The following KAT6A variants were observed in gnomAD, a reference collection of about 807,000 sequenced individuals.
The protein encoded by KAT6A is histone acetyltransferase KAT6A.
A neutral mutation model predicts 198.4 loss-of-function variants in KAT6A; 9 were observed. That is an observed-to-expected ratio of 0.05 (90% CI 0.03 to 0.08). KAT6A has a LOEUF of 0.08. Ranked by LOEUF, KAT6A falls within the 10% of genes least tolerant of loss-of-function variation. KAT6A has a pLI of 1.00. For missense variants in KAT6A, 2,077 were observed against 2,509.9 expected (o/e 0.83, Z 3.69); for synonymous variants, 890 against 883.0 (o/e 1.01, Z -0.14).
In KAT6A at chr8:42,015,968, T is replaced by C. The variant is rs150950081; in HGVS notation, c.601-28405A>G. 5.8e-4 allele frequency among the ~76,000 whole-genome samples: 89 copies of C among 152,324 alleles called. 2 individuals are homozygous for C. The East Asian group carries it at 0.012, about 21-fold the overall frequency. On this transcript the variant is annotated intron_variant, in intron 2 of 16. Coordinates refer to ENST00000265713, the MANE Select transcript of KAT6A (RefSeq NM_006766.5). ...GAAGTAACTCCCACAGACATTTTAA[T>C]GCAAATGCAGATGAGGCAAAGACTC...
chr8:41,993,321 A>G (rs1012044171), intron 2 of KAT6A, among the ~76,000 whole-genome samples: 1 of 152,222 alleles, frequency 6.6e-6, no homozygotes, highest in East Asian at 1.9e-4. Context: ...TCATGACACA[A>G]AACAATTTGC....
At position 41,933,910 on chromosome 8, in the gene KAT6A, C is replaced by G; in HGVS notation, c.4310G>C (p.Ser1437Thr). The change falls in exon 17 of 17, where the codon AGT (serine) becomes ACT (threonine). Residue 1437 changes from serine (S) to threonine (T), a missense_variant. Physicochemically the swap from Ser to Thr is moderately conservative, Grantham distance 58. This residue lies in a region of KAT6A where 178 missense variants were observed against 220.8 expected (regional missense o/e 0.81). Coordinates refer to ENST00000265713, the MANE Select transcript of KAT6A (RefSeq NM_006766.5). This position sits in a 1 kb window ranked among gnomAD's most constrained non-coding sequence, Gnocchi z 6.2. ...AVQSLTQEES[S>T]EHEGAYQDCE... ...GTCCTGGTAGGCGCCCTCATGCTCA[C>G]TGCTTTCTTCTTGAGTCAAAGACTG... 6.2e-7 allele frequency: 1 copy of G among 1,614,184 alleles called. No individual in the cohort carries two copies. The highest frequency in any genetic ancestry group is 1.1e-5 in the South Asian group (1 of 91,088).
chr8:41,937,680 T>G (rs1821922940), intron 15 of KAT6A, 112 bp from the exon 16 acceptor site: 1 of 768,716 alleles, frequency 1.3e-6, no homozygotes, highest in African/African-American at 1.8e-5. Context: ...ATGAGGATGT[T>G]GTTTGCCAAA....
intron 2 of KAT6A, among the ~76,000 whole-genome samples, chr8:42,005,740 C>A (rs1381279761): frequency 2.6e-5 from 4 of 151,344 alleles, no homozygotes; most frequent in South Asian, 4.2e-4. Flanking sequence ...ATGTGCTGCA[C>A]ATATTCAAAT....
chr8:42,031,497 A>AT (rs1374475212), intron 2 of KAT6A, among the ~76,000 whole-genome samples: 1 of 152,128 alleles, frequency 6.6e-6, no homozygotes, highest in Non-Finnish European at 1.5e-5. Context: ...GGTTTCAATT[A>AT]TAAAAACACT....
intron 2 of KAT6A, among the ~76,000 whole-genome samples, chr8:42,047,886 G>A (rs915137056): frequency 3.3e-5 from 5 of 152,092 alleles, no homozygotes; most frequent in African/African-American, 1.2e-4. Flanking sequence ...TGGGTCATGA[G>A]AATCTGTCTC....
chr8:41,933,976 A>C lies in KAT6A; in HGVS notation c.4244T>G (p.Ile1415Ser). 1 of 1,613,812 alleles carries C rather than the reference A, an allele frequency of 6.2e-7. No individual in the cohort carries two copies. The highest frequency in any genetic ancestry group is 8.5e-7 in the Non-Finnish European group (1 of 1,179,970). ...TTCCAGATCCAGCTCACTATGAGGA[A>C]TCTCTTCCTCCTCTTTTAATTCGAT... ...ELIELKEEEE[I>S]PHSELDLETV... The change falls in exon 17 of 17, where the codon ATT (isoleucine) becomes AGT (serine). Residue 1415 changes from isoleucine (I) to serine (S), a missense_variant. Transcript: ENST00000265713. This position sits in a 1 kb window ranked among gnomAD's most constrained non-coding sequence, Gnocchi z 6.2.
At chr8:42,004,358 T>C (rs2150904444) in intron 2 of KAT6A, among the ~76,000 whole-genome samples, 1 of 152,330 alleles carries the variant, frequency 6.6e-6, no homozygotes, top group East Asian at 1.9e-4. Context: ...CACACTTATT[T>C]TTTAAGTAAC....
At chr8:41,982,383 G>A (rs1242960393) in intron 3 of KAT6A, among the ~76,000 whole-genome samples, 1 of 152,012 alleles carries the variant, frequency 6.6e-6, no homozygotes, top group African/African-American at 2.4e-5. Flanking sequence ...TATCAAGAAG[G>A]ATTTTATGTC....
chr8:41,976,011 TG>T (rs1166441097), intron 7 of KAT6A, among the ~76,000 whole-genome samples: 1 of 152,232 alleles, frequency 6.6e-6, no homozygotes, highest in Non-Finnish European at 1.5e-5. Flanking sequence ...TGAAGAGTCT[TG>T]AATGCTTAAA....
chr8:41,995,674 CTTTTTTTTTT>C (rs10710765), intron 2 of KAT6A, among the ~76,000 whole-genome samples: 2 of 103,082 alleles, frequency 1.9e-5, no homozygotes, highest in African/African-American at 8.2e-5. Context: ...ATTTTCATTT[CTTTTTTTTTT>C]TTTTTTTTTG....
chr8:41,945,842 C>T (rs1377957633), intron 12 of KAT6A, among the ~76,000 whole-genome samples: 1 of 151,982 alleles, frequency 6.6e-6, no homozygotes, highest in Non-Finnish European at 1.5e-5. Flanking sequence ...TCCTGGCTAA[C>T]ACGGTAAAAC....
At chr8:41,936,060 G>A (rs889489050) in intron 16 of KAT6A, among the ~76,000 whole-genome samples, 6 of 152,118 alleles carry the variant, frequency 3.9e-5, no homozygotes, top group Admixed American at 1.3e-4. Flanking sequence ...TCAGGAGTTT[G>A]AGACCAGCCT....
intron 2 of KAT6A, among the ~76,000 whole-genome samples, chr8:42,000,395 A>G (rs1211832140): frequency 6.6e-6 from 1 of 152,054 alleles, no homozygotes; most frequent in Non-Finnish European, 1.5e-5. Context: ...TACCAAAAAT[A>G]CAAAAATTAG....
At chr8:41,948,016 GAGA>G in intron 10 of KAT6A, 104 bp from the exon 11 acceptor site, 3 of 920,316 alleles carry the variant, frequency 3.3e-6, no homozygotes, top group Non-Finnish European at 4.7e-6. Context: ...TCCAGACTAG[GAGA>G]AGGTGTCCAT....
rs1213556504 is a variant in KAT6A, at chr8:41,934,072, G to A, written c.4148C>T (p.Ser1383Phe). 1 of 1,614,086 alleles carries A rather than the reference G, an allele frequency of 6.2e-7. No individual in the cohort carries two copies. The highest frequency in any genetic ancestry group is 8.5e-7 in the Non-Finnish European group (1 of 1,180,016). ...CCCAGCCATCTGCTCTGACACCACG[G>A]ACGTGTCATGGGAAGGCTGCTCCTC... ...SEEEQPSHDT[S>F]VVSEQMAGSE... Residue 1383 changes from serine to phenylalanine, a missense_variant, in exon 17 of 17, where the codon TCC (serine) becomes TTC (phenylalanine). Around this residue, in one of 13 missense-constraint regions of KAT6A, gnomAD observed 178 missense variants for 220.8 expected, o/e 0.81. Transcript: ENST00000265713.
At chr8:41,961,429 A>T (rs1823197294) in intron 8 of KAT6A, among the ~76,000 whole-genome samples, 1 of 152,056 alleles carries the variant, frequency 6.6e-6, no homozygotes, top group Non-Finnish European at 1.5e-5. Flanking sequence ...TCAGCATACA[A>T]ACAGCTGTTA....
At chr8:41,966,832 C>G (rs1005691760) in intron 8 of KAT6A, among the ~76,000 whole-genome samples, 4 of 152,136 alleles carry the variant, frequency 2.6e-5, no homozygotes, top group Non-Finnish European at 4.4e-5. Flanking sequence ...CAGAATAATG[C>G]AGGATGTTAT....
chr8:41,970,493 C>A (rs753016791), intron 8 of KAT6A, among the ~76,000 whole-genome samples: 1 of 152,188 alleles, frequency 6.6e-6, no homozygotes, highest in Non-Finnish European at 1.5e-5. Context: ...CCCCATTTCT[C>A]CCAGAAGAAA....
Sources: allele counts gnomAD v4.1 joint callset (sites outside exome capture counted in the v4.1 genomes callset), GRCh38; gene constraint gnomAD v4.1.1; regional missense constraint gnomAD v4.1.1; non-coding constraint Gnocchi (gnomAD v3.1); transcripts MANE v1.5; gene names NCBI Gene and HGNC (gene_info 2026-07-23, HGNC 2026-07-21).